TAF1: variants seen among roughly 807,000 people sequenced by gnomAD.
TAF1 encodes the protein transcription initiation factor TFIID subunit 1.
A neutral mutation model predicts 138.5 loss-of-function variants in TAF1; 2 were observed. The ratio of observed to expected loss-of-function variants is 0.01; its 90% CI spans 0.01 to 0.05. The LOEUF (loss-of-function observed/expected upper bound fraction) is 0.05, where lower values mean the gene tolerates loss of function less well. TAF1 is among the 10% of genes least tolerant of loss of function. TAF1 has a pLI of 1.00. For missense variants in TAF1, 709 were observed against 1,478.0 expected (o/e 0.48, Z 8.53); for synonymous variants, 437 against 503.2 (o/e 0.87, Z 1.76).
rs149406978 is a variant in TAF1, at chrX:71,487,921, A to G, written c.1366+27118A>G. Among the ~76,000 whole-genome samples, 789 of 111,883 alleles carry G rather than the reference A, an allele frequency of 7.1e-3. 10 individuals carry two copies. Among genetic ancestry groups the G allele is most frequent in the African/African-American group, 0.024 (747 of 30,822 alleles). On this transcript the variant is annotated intron_variant and NMD_transcript_variant, in intron 13 of 14. Transcript: ENST00000373775. ...AATTTTACCTTGTTAGGTGCTGGGT[A>G]TTTCTGTACTACTGTAAATATGTGT...
chrX:71,454,946 A>G, intron 34 of TAF1, 89 bp downstream of exon 34: 1 of 1,184,459 alleles, frequency 8.4e-7, no homozygotes. Context: ...TTACTGAGAT[A>G]CCATTCTTCT....
intron 28 of TAF1, among the ~76,000 whole-genome samples, chrX:71,409,107 G>A (rs2035635377): frequency 9.0e-6 from 1 of 111,069 alleles, no homozygotes; most frequent in Admixed American, 9.6e-5. Flanking sequence ...CTGAATCTTC[G>A]ATTTGGTCTA....
intron 32 of TAF1, among the ~76,000 whole-genome samples, chrX:71,452,833 C>T (rs1345434099): frequency 2.7e-5 from 3 of 112,371 alleles, no homozygotes; most frequent in East Asian, 2.8e-4. Flanking sequence ...CCGAGGCTGG[C>T]GGATCACTCG....
chrX:71,508,699 A>C (rs1229197694), intron 13 of TAF1, among the ~76,000 whole-genome samples: 1 of 107,326 alleles, frequency 9.3e-6, no homozygotes, highest in Non-Finnish European at 1.9e-5. Context: ...AAAGGTGTAG[A>C]GCTAAGAGAT....
intron 28 of TAF1, among the ~76,000 whole-genome samples, chrX:71,417,696 T>C (rs1179100348): frequency 1.8e-5 from 2 of 111,489 alleles, no homozygotes; most frequent in African/African-American, 6.5e-5. Flanking sequence ...GTAAAACAAC[T>C]TATAGCATAC....
chrX:71,428,654 A>G (rs1446869108), intron 32 of TAF1, among the ~76,000 whole-genome samples: 1 of 112,125 alleles, frequency 8.9e-6, no homozygotes, highest in Non-Finnish European at 1.9e-5. Flanking sequence ...TTATATTAGC[A>G]AGGATTTATT....
At chrX:71,426,491 G>A (rs762915509) in intron 32 of TAF1, among the ~76,000 whole-genome samples, 127 of 111,665 alleles carry the variant, frequency 1.1e-3, no homozygotes, top group Non-Finnish European at 1.6e-3. Flanking sequence ...CGAGGCCGGC[G>A]GATCACCTGA....
At chrX:71,384,915 A>G (rs1213314014) in intron 13 of TAF1, 30 bp from the exon 14 acceptor site, 1 of 1,090,890 alleles carries the variant, frequency 9.2e-7, no homozygotes, top group South Asian at 1.9e-5. Context: ...GATATATTCT[A>G]AATAACTGGG....
intron 32 of TAF1, among the ~76,000 whole-genome samples, chrX:71,429,619 G>C (rs773330851): frequency 4.5e-5 from 5 of 111,094 alleles, no homozygotes; most frequent in Non-Finnish European, 5.7e-5. Flanking sequence ...GGACATATCA[G>C]GTACTAGTAC....
chrX:71,382,444 C>G, intron 9 of TAF1, 92 bp from the exon 10 acceptor site: 1 of 1,122,286 alleles, frequency 8.9e-7, no homozygotes, highest in Admixed American at 2.9e-5. Context: ...ACTGGAACAT[C>G]CGTCACCTTA....
At chrX:71,404,565 G>A (rs1251443034) in intron 25 of TAF1, among the ~76,000 whole-genome samples, 2 of 110,636 alleles carry the variant, frequency 1.8e-5, no homozygotes, top group East Asian at 5.7e-4. Flanking sequence ...TCGAACTCCC[G>A]ACCTCAGGTG....
downstream of TAF1, among the ~76,000 whole-genome samples, chrX:71,467,492 CCA>C (rs1344445039): frequency 1.9e-4 from 21 of 111,685 alleles, no homozygotes; most frequent in African/African-American, 6.5e-4. Context: ...AGTAAGGATG[CCA>C]TTCACTTTTA....
intron 32 of TAF1, among the ~76,000 whole-genome samples, chrX:71,434,116 C>A (rs1690971146): frequency 8.9e-6 from 1 of 111,977 alleles, no homozygotes; most frequent in African/African-American, 3.2e-5. Flanking sequence ...CTCCTGTAAT[C>A]CTAATGCTTT....
At chrX:71,386,364 A>G (rs1030207199) in intron 14 of TAF1, among the ~76,000 whole-genome samples, 1 of 111,316 alleles carries the variant, frequency 9.0e-6, no homozygotes, top group South Asian at 3.7e-4. Flanking sequence ...AACTGGCTCA[A>G]ATGTTTCTGT....
At chrX:71,484,689 T>G (rs1053823178) in intron 13 of TAF1, among the ~76,000 whole-genome samples, 3 of 111,995 alleles carry the variant, frequency 2.7e-5, no homozygotes, top group Non-Finnish European at 5.6e-5. Context: ...GGTAGACTGC[T>G]AGTCCCCAGT....
intron 3 of TAF1, among the ~76,000 whole-genome samples, chrX:71,373,089 A>G (rs2033202741): frequency 9.2e-6 from 1 of 108,125 alleles, no homozygotes; most frequent in Non-Finnish European, 1.9e-5. Flanking sequence ...GGTGGTCTCG[A>G]TCTCCTGACC....
chrX:71,375,485 TC>T (rs2033403479), intron 4 of TAF1, among the ~76,000 whole-genome samples, 199 bp downstream of exon 4: 1 of 111,118 alleles, frequency 9.0e-6, no homozygotes, highest in South Asian at 3.7e-4. Flanking sequence ...TAACATGTGC[TC>T]AAGAAATAGT....
chrX:71,518,692 CTTTTTTTTT>C (rs41486346), intron 13 of TAF1, among the ~76,000 whole-genome samples: 76 of 79,165 alleles, frequency 9.6e-4, no homozygotes, highest in African/African-American at 3.6e-3. Flanking sequence ...TCTTTTCTTT[CTTTTTTTTT>C]TTTTTTTTTT....
chrX:71,410,982 CA>C (rs1476612343), intron 28 of TAF1, among the ~76,000 whole-genome samples: 1 of 109,023 alleles, frequency 9.2e-6, no homozygotes, highest in African/African-American at 3.3e-5. Flanking sequence ...GAGGTTTTGC[CA>C]TGTTGGCCAG....
Sources: allele counts gnomAD v4.1 joint callset (sites outside exome capture counted in the v4.1 genomes callset), GRCh38; gene constraint gnomAD v4.1.1; transcripts MANE v1.5; gene names NCBI Gene and HGNC (gene_info 2026-07-23, HGNC 2026-07-21).